Variants in CUBN observed in about 807,000 individuals in gnomAD.
CUBN encodes the protein 460 kDa receptor.
Under a neutral mutation model 405.3 loss-of-function variants are expected in CUBN, and 282 were observed. The ratio of observed to expected loss-of-function variants is 0.70; its 90% CI spans 0.63 to 0.77. CUBN has a LOEUF of 0.77. CUBN is among the 30% of genes least tolerant of loss of function. The pLI is 0.00. For missense variants in CUBN, 4,514 were observed against 4,475.2 expected (o/e 1.01, Z -0.25); for synonymous variants, 1,684 against 1,617.0 (o/e 1.04, Z -0.99).
intron 27 of CUBN, 33 bp downstream of exon 27, chr10:17,041,000 A>C: frequency 6.3e-7 from 1 of 1,588,184 alleles, no homozygotes; most frequent in South Asian, 1.1e-5. Context: ...TGATCTGAAA[A>C]AGCAGTGATC....
At chr10:16,882,254 C>T (rs900771259) in intron 56 of CUBN, among the ~76,000 whole-genome samples, 4 of 152,128 alleles carry the variant, frequency 2.6e-5, no homozygotes, top group African/African-American at 4.8e-5. Context: ...GTCATGGGAC[C>T]GGGAACTCAG....
rs112753701 is a variant in CUBN at position 16,921,899 on chromosome 10, A to T, written c.6647-1762T>A. ...CTTACTGGGCATCTCCAATGGAGGT[A>T]ATTCAGAGATTTCAAACTGAACTTG... On this transcript the variant is annotated intron_variant, in intron 43 of 66. Coordinates refer to ENST00000377833, the MANE Select transcript of CUBN (RefSeq NM_001081.4). Among the ~76,000 whole-genome samples the T allele has an allele frequency of 7.0e-3, 1,067 of 152,284 alleles. 11 individuals are homozygous for T. Among genetic ancestry groups the T allele is most frequent in the Non-Finnish European group, 8.0e-3 (547 of 68,026 alleles).
intron 59 of CUBN, among the ~76,000 whole-genome samples, chr10:16,867,884 A>C (rs1288638114): frequency 6.6e-6 from 1 of 152,182 alleles, no homozygotes; most frequent in African/African-American, 2.4e-5. Context: ...AGCTTCATGC[A>C]GATGATAGCA....
chr10:17,069,447 CAGGAGTGTATAA>C (rs143585526), intron 19 of CUBN, among the ~76,000 whole-genome samples: 64,156 of 151,800 alleles, frequency 0.42, 16,168 homozygotes, highest in East Asian at 0.67. Context: ...ACATCTCCAC[CAGGAGTGTATAA>C]AGGTTCCAAT....
At position 16,933,073 on chromosome 10, in the gene CUBN, T is replaced by C. The variant is rs1361924484; in HGVS notation, c.6124+14A>G. Reference sequence around the variant, plus strand: ...GTCAGGGTTGAAACTCAGCATTCTTTATAATGTTCTCACCATCTCGTATCA... The same window carrying C: ...GTCAGGGTTGAAACTCAGCATTCTTCATAATGTTCTCACCATCTCGTATCA... On this transcript the variant is annotated intron_variant, in intron 40 of 66. Coordinates refer to ENST00000377833, the MANE Select transcript of CUBN (RefSeq NM_001081.4). 1.2e-6 allele frequency: 2 copies of C among 1,612,592 alleles called. No homozygotes were observed. Among genetic ancestry groups the C allele is most frequent in the Admixed American group, 1.7e-5 (1 of 59,978 alleles).
rs752676041 is a variant in CUBN, at chr10:16,901,462, G to A, written c.8063-3C>T. 1 of 1,614,062 alleles carries A rather than the reference G, an allele frequency of 6.2e-7. No homozygotes were observed. The highest frequency in any genetic ancestry group is 8.5e-7 in the Non-Finnish European group (1 of 1,179,968). On this transcript the variant is annotated splice_region_variant and splice_polypyrimidine_tract_variant and intron_variant, in intron 51 of 66. Coordinates refer to ENST00000377833, the MANE Select transcript of CUBN (RefSeq NM_001081.4). Reference sequence around the variant, plus strand: ...ACCTATCTGTATTCCGCCACAATCTGAAATGAGATTGGTAACCCTCTCAAT... The same window carrying A: ...ACCTATCTGTATTCCGCCACAATCTAAAATGAGATTGGTAACCCTCTCAAT...
chr10:16,944,022 T>C (rs1310112809), intron 36 of CUBN, among the ~76,000 whole-genome samples: 1 of 152,222 alleles, frequency 6.6e-6, no homozygotes, highest in Non-Finnish European at 1.5e-5. Flanking sequence ...TTAGTAAATG[T>C]AGGATGTGGA....
At chr10:17,040,582 C>G (rs577711537) in intron 27 of CUBN, among the ~76,000 whole-genome samples, 14 of 152,018 alleles carry the variant, frequency 9.2e-5, no homozygotes, top group African/African-American at 3.4e-4. Flanking sequence ...ATTGAAACTT[C>G]AATTTTACAA....
Position 16,925,226 on chromosome 10 carries a change from A to G in CUBN, c.6646+15T>C. The G allele has an allele frequency of 6.2e-7, 1 of 1,601,316 alleles. No homozygotes were observed. Among genetic ancestry groups the G allele is most frequent in the East Asian group, 2.2e-5 (1 of 44,792 alleles). On this transcript the variant is annotated intron_variant, in intron 43 of 66. Transcript: ENST00000377833. ...TGCAGGAAAAGCAGATATAATTCTC[A>G]GTGAAAATACTTACCTAAACTCTTT...
chr10:17,081,992 G>A (rs1372052077), intron 17 of CUBN, among the ~76,000 whole-genome samples: 2 of 151,866 alleles, frequency 1.3e-5, no homozygotes, highest in Admixed American at 6.6e-5. Flanking sequence ...CAATCCTTGA[G>A]GGAAATTTGG....
chr10:17,089,976 T>C (rs1229042191), intron 14 of CUBN, among the ~76,000 whole-genome samples: 2 of 151,928 alleles, frequency 1.3e-5, no homozygotes, highest in Non-Finnish European at 2.9e-5. Flanking sequence ...ATTAGCTGGG[T>C]ATGGTGGTGC....
Position 17,043,921 on chromosome 10 carries a change from G to C in CUBN, c.3735C>G (p.Pro1245=). The C allele has an allele frequency of 6.2e-7, 1 of 1,613,502 alleles. No individual in the cohort carries two copies. Among genetic ancestry groups the C allele is most frequent in the South Asian group, 1.1e-5 (1 of 91,074 alleles). ...LLTQLCGDEK[P]PLIRSSGDSM... is the part of the protein sequence containing the mutation. ...TGTCTCCACTAGAACGAATAAGAGG[G>C]GGTTTCTCATCCCCACAAAGCTGAG... The change falls in exon 26 of 67, where the codon CCC becomes CCG. Residue 1245 remains proline, a synonymous_variant. Coordinates refer to ENST00000377833, the MANE Select transcript of CUBN (RefSeq NM_001081.4).
At chr10:16,913,741 C>T (rs1841798668) in intron 48 of CUBN, 70 bp downstream of exon 48, 1 of 1,586,568 alleles carries the variant, frequency 6.3e-7, no homozygotes, top group Non-Finnish European at 8.6e-7. Flanking sequence ...AGTTTTCTGA[C>T]TATGATTTAT....
At chr10:16,910,041 T>C (rs994552820) in intron 48 of CUBN, among the ~76,000 whole-genome samples, 3 of 151,976 alleles carry the variant, frequency 2.0e-5, no homozygotes, top group African/African-American at 4.8e-5. Context: ...TTCTTCACTC[T>C]TTTCTTTTTT....
chr10:16,934,530 T>G (rs542988136), intron 39 of CUBN, among the ~76,000 whole-genome samples: 71 of 152,324 alleles, frequency 4.7e-4, no homozygotes, highest in African/African-American at 1.7e-3. Context: ...ATCTTCAAAT[T>G]TTAAGGTTTT....
intron 59 of CUBN, among the ~76,000 whole-genome samples, chr10:16,858,614 C>T (rs1839931098): frequency 6.6e-6 from 1 of 152,160 alleles, no homozygotes; most frequent in Admixed American, 6.5e-5. Flanking sequence ...GAGACACTGC[C>T]CCCAGCCTTT....
intron 17 of CUBN, among the ~76,000 whole-genome samples, chr10:17,072,801 T>C (rs913917330): frequency 1.3e-5 from 2 of 152,154 alleles, no homozygotes; most frequent in African/African-American, 4.8e-5. Flanking sequence ...CTAAGATTTT[T>C]TTAAATGTGA....
intron 39 of CUBN, among the ~76,000 whole-genome samples, chr10:16,936,799 A>G (rs560309957): frequency 1.3e-5 from 2 of 151,936 alleles, no homozygotes; most frequent in Admixed American, 6.6e-5. Flanking sequence ...TACAAACTCT[A>G]CTCTGCCTCC....
chr10:16,947,394 T>C (rs950839684), intron 35 of CUBN, 27 bp from the exon 36 acceptor site: 12 of 1,613,270 alleles, frequency 7.4e-6, no homozygotes, highest in Non-Finnish European at 1.0e-5. Flanking sequence ...ATAAAGTGAG[T>C]ATCAGAGCAA....
Sources: gnomAD v4.1 joint callset for allele counts (sites outside exome capture counted in the v4.1 genomes callset) on GRCh38, gnomAD v4.1.1 for gene constraint, MANE v1.5 for transcripts, NCBI Gene and HGNC (gene_info 2026-07-23, HGNC 2026-07-21) for gene names.